Variants in IPO13 observed in about 807,000 individuals in gnomAD.
The protein encoded by IPO13 is importin-13.
Under a neutral mutation model 115.5 loss-of-function variants are expected in IPO13, and 28 were observed. That is an observed-to-expected ratio of 0.24 (90% CI 0.18 to 0.33). The LOEUF (loss-of-function observed/expected upper bound fraction) is 0.33, where lower values mean the gene tolerates loss of function less well. Among genes scored for constraint, IPO13 ranks in the 10% least tolerant of loss-of-function variants. The pLI is 1.00. For synonymous variants in IPO13, 414 were observed against 478.9 expected, an observed-to-expected ratio of 0.86 and a Z score of 1.77; for missense variants, 785 against 1,204.6, an observed-to-expected ratio of 0.65 and a Z score of 5.16.
chr1:43,963,206 A>G (rs1031813978), intron 14 of IPO13, among the ~76,000 whole-genome samples: 1 of 152,214 alleles, frequency 6.6e-6, no homozygotes, highest in Non-Finnish European at 1.5e-5. Context: ...TCACACAGCT[A>G]CTTAGTGGTG....
In IPO13 at chr1:43,967,649, T is replaced by C; in HGVS notation, c.2859T>C (p.Gly953=). The C allele has an allele frequency of 6.2e-7, 1 of 1,613,558 alleles. No homozygotes were observed. The highest frequency in any genetic ancestry group is 8.5e-7 in the Non-Finnish European group (1 of 1,179,846). Residue 953 remains glycine (G), a synonymous_variant, in exon 20 of 20, where the codon GGT becomes GGC. Transcript: ENST00000372343. The surrounding 1 kb of genome is among the most constrained non-coding windows in gnomAD (Gnocchi z 6.1). The part of the protein sequence containing the change: ...MVKEFTLLCR[G]LHGTDYTADY The stretch of plus-strand genomic sequence containing the variant: ...AGGAGTTCACACTGCTGTGCCGGGG[T>C]CTCCATGGCACAGATTACACAGCTG...
rs914148552 is a variant in IPO13 at position 43,966,305 on chromosome 1, A to T, written c.2398-270A>T. On this transcript the variant is annotated intron_variant, in intron 15 of 19. Coordinates refer to ENST00000372343, the MANE Select transcript of IPO13 (RefSeq NM_014652.4). This position sits in a 1 kb window ranked among gnomAD's most constrained non-coding sequence, Gnocchi z 4.1. Reference sequence around the variant, plus strand: ...GGGGAGGGAAAGGTGTCTGGAACCCAAACTTTCTGCATTATGATCCCCACC... The same window carrying T: ...GGGGAGGGAAAGGTGTCTGGAACCCTAACTTTCTGCATTATGATCCCCACC... 8.9e-6 allele frequency: 5 copies of T among 560,208 alleles called. No individual in the cohort carries two copies. The highest frequency in any genetic ancestry group is 1.6e-5 in the Non-Finnish European group (5 of 311,512). 34.7% of individuals were successfully genotyped at this position (560,208 alleles called of 1,614,324 possible).
chr1:43,957,955 C>G (rs1268728684), intron 7 of IPO13, 22 bp from the exon 8 acceptor site: 1 of 1,612,538 alleles, frequency 6.2e-7, no homozygotes, highest in Non-Finnish European at 8.5e-7. Flanking sequence ...CAAAGATCCT[C>G]CTGTCTCCCT....
chr1:43,957,947 A>G, intron 7 of IPO13, 30 bp from the exon 8 acceptor site: 2 of 1,611,252 alleles, frequency 1.2e-6, no homozygotes, highest in Non-Finnish European at 1.7e-6. Flanking sequence ...GCCTGCCTCA[A>G]AGATCCTCCT....
chr1:43,966,109 T>G lies in IPO13; in HGVS notation c.2398-466T>G. ...CAGGAGCTGGAGGGTGCCTCAGGAA[T>G]ACAGGAGGGACATGGGAGGAGGGCT... is the stretch of plus-strand genomic sequence containing the variant. On this transcript the variant is annotated intron_variant, in intron 15 of 19. Coordinates refer to ENST00000372343, the MANE Select transcript of IPO13 (RefSeq NM_014652.4). The surrounding 1 kb of genome is among the most constrained non-coding windows in gnomAD (Gnocchi z 4.1). 4.4e-6 allele frequency: 1 copy of G among 226,358 alleles called. No individual in the cohort carries two copies. 14.0% of individuals were successfully genotyped at this position (226,358 alleles called of 1,614,324 possible).
chr1:43,949,372 G>T (rs2085189545), intron 1 of IPO13, 45 bp from the exon 2 acceptor site: 2 of 1,534,866 alleles, frequency 1.3e-6, no homozygotes, highest in Non-Finnish European at 8.8e-7. Context: ...GCTCTGGCAG[G>T]ATCCAGAGTG....
At position 43,956,036 on chromosome 1, in the gene IPO13, C is replaced by G. The variant is rs1373399318; in HGVS notation, c.822-284C>G. 1.3e-5 allele frequency among the ~76,000 whole-genome samples: 2 copies of G among 151,002 alleles called. No individual in the cohort carries two copies. Among genetic ancestry groups the G allele is most frequent in the Non-Finnish European group, 3.0e-5 (2 of 67,778 alleles). On this transcript the variant is annotated intron_variant, in intron 2 of 19. Coordinates refer to ENST00000372343, the MANE Select transcript of IPO13 (RefSeq NM_014652.4). This position sits in a 1 kb window ranked among gnomAD's most constrained non-coding sequence, Gnocchi z 4.7. The stretch of plus-strand genomic sequence containing the variant: ...AAAAAAAAAAAAAAAAATCTTAACC[C>G]ATTCCGGAATCAGCTCTCAGTCCAA...
intron 14 of IPO13, among the ~76,000 whole-genome samples, chr1:43,961,667 C>A (rs998792945): frequency 1.3e-5 from 2 of 152,202 alleles, no homozygotes; most frequent in Non-Finnish European, 2.9e-5. Flanking sequence ...AGTTGTGTGT[C>A]CTTGGGCAAG....
chr1:43,949,261 C>A (rs1049426495), intron 1 of IPO13, 156 bp from the exon 2 acceptor site: 1 of 705,190 alleles, frequency 1.4e-6, no homozygotes, highest in Non-Finnish European at 2.3e-6. Context: ...AGCAGGACCC[C>A]AGGCCCAGGA....
Position 43,958,922 on chromosome 1 carries a change from G to A in IPO13, c.2028+33G>A. 2 of 1,603,760 alleles carry A rather than the reference G, an allele frequency of 1.2e-6. No homozygotes were observed. Among genetic ancestry groups the A allele is most frequent in the Non-Finnish European group, 1.7e-6 (2 of 1,171,598 alleles). ...ACATTTGCCCACGGCAAAGACATTTGTCTTTGCCATCCCCCCAACCCCCAC... is the reference window on the plus strand; with the variant it reads ...ACATTTGCCCACGGCAAAGACATTTATCTTTGCCATCCCCCCAACCCCCAC... On this transcript the variant is annotated intron_variant, in intron 11 of 19. Coordinates refer to ENST00000372343, the MANE Select transcript of IPO13 (RefSeq NM_014652.4). This position sits in a 1 kb window ranked among gnomAD's most constrained non-coding sequence, Gnocchi z 6.3.
Position 43,961,250 on chromosome 1 carries a change from C to T in IPO13, c.2332C>T (p.Leu778Phe). Reference sequence around the variant, plus strand: ...GCTCGTCACCTCCGTCACACTCACTCTCTTCCAGCAAGGTAGGTCCTGACC... The same window carrying T: ...GCTCGTCACCTCCGTCACACTCACTTTCTTCCAGCAAGGTAGGTCCTGACC... The part of the protein sequence containing the change: ...FLLVTSVTLT[L>F]FQQGPRDHPD... Residue 778 changes from leucine (L) to phenylalanine (F), a missense_variant, in exon 14 of 20, where the codon CTC (leucine) becomes TTC (phenylalanine). By Grantham distance (22) the Leu-to-Phe change is conservative. This residue lies in a region of IPO13 where 285 missense variants were observed against 394.8 expected (regional missense o/e 0.72). Coordinates refer to ENST00000372343, the MANE Select transcript of IPO13 (RefSeq NM_014652.4). 6.2e-7 allele frequency: 1 copy of T among 1,613,316 alleles called. No individual in the cohort carries two copies. Among genetic ancestry groups the T allele is most frequent in the Non-Finnish European group, 8.5e-7 (1 of 1,179,230 alleles).
chr1:43,960,304 G>A lies in IPO13; in HGVS notation c.2084G>A (p.Trp695Ter), dbSNP rs1290107452. ...CTTATCCAGAAGGTGCTGAGCAAAT[G>A]GTTGAATGATGCCCAGGTTGTGGAG... Reference protein sequence around the residue: ...FQLIQKVLSKWLNDAQVVEAV... With the variant: ...FQLIQKVLSK Residue 695 changes from tryptophan to a stop codon, truncating the protein, a stop_gained, in exon 12 of 20, where the codon TGG becomes TAG. Coordinates refer to ENST00000372343, the MANE Select transcript of IPO13 (RefSeq NM_014652.4). LOFTEE classifies it high-confidence loss of function. 1.2e-6 allele frequency: 2 copies of A among 1,614,162 alleles called. No homozygotes were observed.
At chr1:43,964,725 GC>G (rs2154302422) in intron 15 of IPO13, among the ~76,000 whole-genome samples, 1 of 152,320 alleles carries the variant, frequency 6.6e-6, no homozygotes, top group East Asian at 1.9e-4. Context: ...AGTGCCCCCA[GC>G]CTGCTCCTGA....
rs770139504 is a variant in IPO13 at position 43,961,238 on chromosome 1, G to T, written c.2320G>T (p.Val774Phe). The change falls in exon 14 of 20, where the codon GTC (valine) becomes TTC (phenylalanine). Residue 774 changes from valine (V) to phenylalanine (F), a missense_variant. Coordinates refer to ENST00000372343, the MANE Select transcript of IPO13 (RefSeq NM_014652.4). ...GGCCCTCTTCCTGCTCGTCACCTCCGTCACACTCACTCTCTTCCAGCAAGG... is the reference window on the plus strand; with the variant it reads ...GGCCCTCTTCCTGCTCGTCACCTCCTTCACACTCACTCTCTTCCAGCAAGG... ...IEALFLLVTSVTLTLFQQGPR... is the reference protein window; with the variant it reads ...IEALFLLVTSFTLTLFQQGPR... 2.5e-6 allele frequency: 4 copies of T among 1,613,604 alleles called. No homozygotes were observed. Among genetic ancestry groups the T allele is most frequent in the Non-Finnish European group, 3.4e-6 (4 of 1,179,770 alleles).
rs554147011 is a variant in IPO13, at chr1:43,967,993, C to G, written c.*311C>G. ...GGTTGCAGTAGTGTCATCAACCCCCCCATCCCCATTAAATTAATCCCAACA... is the reference window on the plus strand; with the variant it reads ...GGTTGCAGTAGTGTCATCAACCCCCGCATCCCCATTAAATTAATCCCAACA... On this transcript the variant is annotated 3_prime_UTR_variant, in exon 20 of 20. Coordinates refer to ENST00000372343, the MANE Select transcript of IPO13 (RefSeq NM_014652.4). This position sits in a 1 kb window ranked among gnomAD's most constrained non-coding sequence, Gnocchi z 6.1. The G allele has an allele frequency of 6.5e-5, 31 of 480,504 alleles. No individual in the cohort carries two copies. The Admixed American group carries it at 7.5e-4, about 12-fold the overall frequency. 29.8% of individuals were successfully genotyped at this position (480,504 alleles called of 1,614,324 possible).
At chr1:43,957,113 T>C in intron 5 of IPO13, 82 bp from the exon 6 acceptor site, 1 of 1,575,912 alleles carries the variant, frequency 6.3e-7, no homozygotes, top group Non-Finnish European at 8.6e-7. Flanking sequence ...GTTGTGGGGG[T>C]ACTGGGGTAG....
At position 43,958,970 on chromosome 1, in the gene IPO13, C is replaced by G. The variant is rs2085271501; in HGVS notation, c.2028+81C>G. 6.7e-6 allele frequency: 9 copies of G among 1,347,464 alleles called. No individual in the cohort carries two copies. In the East Asian group the frequency reaches 2.1e-4, roughly 31 times the overall value. 83.5% of individuals were successfully genotyped at this position (1,347,464 alleles called of 1,614,324 possible). ...CACCTGTGGGAATGTCATTGTCACT[C>G]TTCAATTCTGTGGGTAATGTTGTCA... On this transcript the variant is annotated intron_variant, in intron 11 of 19. Coordinates refer to ENST00000372343, the MANE Select transcript of IPO13 (RefSeq NM_014652.4). This position sits in a 1 kb window ranked among gnomAD's most constrained non-coding sequence, Gnocchi z 6.3.
rs2085176068 is a variant in IPO13, at chr1:43,947,573, C to T, written c.-28C>T. ...GCTGGGGCAGGAGACAGATCAGGGC[C>T]CACCTCCCTGCCAGGGAGGGAGCAA... On this transcript the variant is annotated 5_prime_UTR_variant, in exon 1 of 20. Transcript: ENST00000372343. 8.0e-7 allele frequency: 1 copy of T among 1,249,190 alleles called. No individual in the cohort carries two copies. The highest frequency in any genetic ancestry group is 1.0e-6 in the Non-Finnish European group (1 of 973,564). 77.4% of individuals were successfully genotyped at this position (1,249,190 alleles called of 1,614,324 possible).
intron 7 of IPO13, 120 bp from the exon 8 acceptor site, chr1:43,957,857 G>A (rs985018308): frequency 3.2e-6 from 3 of 931,218 alleles, no homozygotes; most frequent in Non-Finnish European, 5.1e-6. Flanking sequence ...TCTGAATGGG[G>A]CAGTACTCTG....
Sources: gnomAD v4.1 joint callset for allele counts (sites outside exome capture counted in the v4.1 genomes callset) on GRCh38, gnomAD v4.1.1 for gene constraint, gnomAD v4.1.1 regional missense constraint, Gnocchi (gnomAD v3.1) non-coding constraint, MANE v1.5 for transcripts, NCBI Gene and HGNC (gene_info 2026-07-23, HGNC 2026-07-21) for gene names.